PLCL1: variants seen among roughly 807,000 people sequenced by gnomAD.
PLCL1 encodes the protein inactive phospholipase C-like protein 1.
In PLCL1, 41 loss-of-function variants were observed where a neutral mutation model predicts 84.4. The observed-to-expected ratio is 0.49, with a 90% confidence interval of 0.38 to 0.63. PLCL1 has a LOEUF of 0.63. Ranked by LOEUF, PLCL1 falls within the 30% of genes least tolerant of loss-of-function variation. The probability of loss-of-function intolerance (pLI) is 0.00; values close to 1 mark genes in which losing one functional copy is unlikely to be tolerated. For missense variants in PLCL1, 1,206 were observed against 1,367.8 expected, an observed-to-expected ratio of 0.88 and a Z score of 1.87; for synonymous variants, 490 against 488.3, an observed-to-expected ratio of 1.00 and a Z score of -0.05.
intron 5 of PLCL1, among the ~76,000 whole-genome samples, chr2:198,134,939 C>T (rs1003142202): frequency 5.9e-5 from 9 of 152,098 alleles, no homozygotes; most frequent in Admixed American, 3.3e-4. Context: ...ACTTTTTGGA[C>T]GGATCAAGTA....
In PLCL1 at chr2:198,146,795, T is replaced by C. The variant is rs1406025574; in HGVS notation, c.3121T>C (p.Leu1041=). Residue 1041 remains leucine, a synonymous_variant, in exon 6 of 6, where the codon TTG becomes CTG. Coordinates refer to ENST00000428675, the MANE Select transcript of PLCL1 (RefSeq NM_006226.4). ...ITVLKGQGDL[L]KNAKNEAIEN... ...CTGTTTGTAGGGCCAAGGAGATCTGTTGAAGAATGCCAAGAATGAAGCTAT... is the reference window on the plus strand; with the variant it reads ...CTGTTTGTAGGGCCAAGGAGATCTGCTGAAGAATGCCAAGAATGAAGCTAT... 6.2e-7 allele frequency: 1 copy of C among 1,612,736 alleles called. No homozygotes were observed. The highest frequency in any genetic ancestry group is 8.5e-7 in the Non-Finnish European group (1 of 1,179,426).
intron 1 of PLCL1, among the ~76,000 whole-genome samples, chr2:197,813,125 A>G (rs921128273): frequency 6.6e-6 from 1 of 152,190 alleles, no homozygotes; most frequent in Non-Finnish European, 1.5e-5. Flanking sequence ...CCCTTGGCTC[A>G]GGCTGGGTTA....
chr2:197,991,853 T>G (rs1261204201), intron 1 of PLCL1, among the ~76,000 whole-genome samples: 2 of 151,984 alleles, frequency 1.3e-5, no homozygotes, highest in Non-Finnish European at 2.9e-5. Context: ...TGAGGAGAGG[T>G]TGGAGCTGAA....
intron 1 of PLCL1, among the ~76,000 whole-genome samples, chr2:197,994,121 G>A (rs1481029606): frequency 1.3e-5 from 2 of 152,184 alleles, no homozygotes; most frequent in African/African-American, 4.8e-5. Context: ...GGCTTGAGGT[G>A]AGGGACAAAT....
chr2:198,094,283 G>A (rs1208825398), intron 3 of PLCL1, among the ~76,000 whole-genome samples: 1 of 152,088 alleles, frequency 6.6e-6, no homozygotes, highest in East Asian at 1.9e-4. Context: ...GGATGGTCTT[G>A]ATCTCCTGAC....
In PLCL1 at chr2:197,858,357, C is replaced by T. The variant is rs146087232; in HGVS notation, c.240+53018C>T. On this transcript the variant is annotated intron_variant, in intron 1 of 5. Coordinates refer to ENST00000428675, the MANE Select transcript of PLCL1 (RefSeq NM_006226.4). ...TTCCTGTGAAGTTAATGAGGCTTAG[C>T]GAATCAAGCCCTCCAAAGGGCCTGA... is the stretch of plus-strand genomic sequence containing the variant. 5.1e-3 allele frequency among the ~76,000 whole-genome samples: 772 copies of T among 152,182 alleles called. 7 individuals carry two copies. The highest frequency in any genetic ancestry group is 0.016 in the African/African-American group (680 of 41,534).
At chr2:198,135,142 T>C (rs1694224725) in intron 5 of PLCL1, among the ~76,000 whole-genome samples, 1 of 152,096 alleles carries the variant, frequency 6.6e-6, no homozygotes, top group African/African-American at 2.4e-5. Flanking sequence ...ATAGCATGAG[T>C]TGGTCAGGTA....
chr2:197,906,584 T>C (rs1688386654), intron 1 of PLCL1, among the ~76,000 whole-genome samples: 1 of 152,224 alleles, frequency 6.6e-6, no homozygotes, highest in South Asian at 2.1e-4. Flanking sequence ...ACTAGTTTTT[T>C]CTAATTCTGT....
At chr2:197,829,823 A>G (rs1691017937) in intron 1 of PLCL1, among the ~76,000 whole-genome samples, 1 of 152,146 alleles carries the variant, frequency 6.6e-6, no homozygotes, top group African/African-American at 2.4e-5. Context: ...TTTGCATGCT[A>G]TGGGACATAT....
chr2:198,030,033 G>A (rs544072047), intron 1 of PLCL1, among the ~76,000 whole-genome samples: 45 of 152,110 alleles, frequency 3.0e-4, no homozygotes, highest in African/African-American at 9.2e-4. Context: ...AGTTCAGTCA[G>A]GGGTATATGT....
chr2:197,859,438 G>A (rs1687389661), intron 1 of PLCL1, among the ~76,000 whole-genome samples: 1 of 152,088 alleles, frequency 6.6e-6, no homozygotes, highest in South Asian at 2.1e-4. Flanking sequence ...AAATTTTACT[G>A]TATTTTCTTT....
At chr2:197,918,778 A>G (rs1048163994) in intron 1 of PLCL1, among the ~76,000 whole-genome samples, 1 of 152,088 alleles carries the variant, frequency 6.6e-6, no homozygotes, top group African/African-American at 2.4e-5. Context: ...CCCAAAAAAC[A>G]AAAAACGAAA....
At chr2:197,890,672 T>A (rs963970312) in intron 1 of PLCL1, among the ~76,000 whole-genome samples, 3 of 82,004 alleles carry the variant, frequency 3.7e-5, no homozygotes, top group East Asian at 2.6e-4. Context: ...TTGGCTTTTT[T>A]ATTTTTTTGC....
intron 5 of PLCL1, among the ~76,000 whole-genome samples, chr2:198,135,644 A>G (rs1694238942): frequency 6.6e-6 from 1 of 152,154 alleles, no homozygotes; most frequent in South Asian, 2.1e-4. Flanking sequence ...AATTTTGTTG[A>G]CATTTTCTGT....
At chr2:197,886,469 A>C (rs1163884787) in intron 1 of PLCL1, among the ~76,000 whole-genome samples, 1 of 146,950 alleles carries the variant, frequency 6.8e-6, no homozygotes, top group Non-Finnish European at 1.5e-5. Context: ...TTCTTCAAAT[A>C]GGTGCATCCC....
chr2:197,835,232 A>G (rs763812848), intron 1 of PLCL1, among the ~76,000 whole-genome samples: 2 of 152,202 alleles, frequency 1.3e-5, no homozygotes, highest in Admixed American at 1.3e-4. Context: ...CCACCATGGC[A>G]TGTGTGTAAC....
At chr2:197,809,448 G>A (rs1051998610) in intron 1 of PLCL1, among the ~76,000 whole-genome samples, 1 of 152,188 alleles carries the variant, frequency 6.6e-6, no homozygotes, top group South Asian at 2.1e-4. Context: ...AGGTCCTATG[G>A]TTTGTGGGGT....
chr2:197,951,232 A>G (rs1383587193), intron 1 of PLCL1, among the ~76,000 whole-genome samples: 1 of 152,188 alleles, frequency 6.6e-6, no homozygotes, highest in Non-Finnish European at 1.5e-5. Context: ...GTAAGTACCT[A>G]TAATGGTCTG....
chr2:197,925,284 T>C (rs181365914), intron 1 of PLCL1, among the ~76,000 whole-genome samples: 14 of 152,278 alleles, frequency 9.2e-5, no homozygotes, highest in African/African-American at 3.4e-4. Context: ...TAGAAGTATA[T>C]TGGAGAAGTT....
Sources: gnomAD v4.1 joint callset for allele counts (sites outside exome capture counted in the v4.1 genomes callset) on GRCh38, gnomAD v4.1.1 for gene constraint, MANE v1.5 for transcripts, NCBI Gene and HGNC (gene_info 2026-07-23, HGNC 2026-07-21) for gene names.